Variants in VPS13D observed in about 807,000 individuals in gnomAD.
VPS13D encodes vacuolar protein sorting 13 homolog D.
VPS13D carries 187 observed loss-of-function variants against 461.9 expected under a neutral mutation model. The observed-to-expected ratio is 0.40, with a 90% CI of 0.36 to 0.46. The LOEUF (loss-of-function observed/expected upper bound fraction) is 0.46. VPS13D is among the 20% of genes least tolerant of loss of function. VPS13D has a pLI of 0.60. For missense variants in VPS13D, 4,711 were observed against 5,364.9 expected (o/e 0.88, Z 3.81); for synonymous variants, 1,951 against 1,986.3 (o/e 0.98, Z 0.47).
At chr1:12,360,018 C>T (rs576433348) in intron 50 of VPS13D, among the ~76,000 whole-genome samples, 2 of 152,274 alleles carry the variant, frequency 1.3e-5, no homozygotes, top group Non-Finnish European at 2.9e-5. Context: ...CCTTTTATAG[C>T]AGCTAGCACT....
Position 12,266,904 on chromosome 1 carries a change from C to A in VPS13D, c.1618C>A (p.Leu540Ile), listed in dbSNP as rs750999686. ...AGATGTAAAACTTCTAGCAGAGTCT[C>A]TTCCTCGAAGAAATTCCTCGTTGCT... The part of the protein sequence containing the change: ...FSDVKLLAES[L>I]PRRNSSLLSV... Residue 540 changes from leucine to isoleucine, a missense_variant, in exon 14 of 70, where the codon CTT (leucine) becomes ATT (isoleucine). Physicochemically the swap from Leu to Ile is conservative, Grantham distance 5. This residue lies in a region of VPS13D where 4,411 missense variants were observed against 4,937.8 expected (regional missense o/e 0.89). Transcript: ENST00000620676. 26 of 1,603,312 alleles carry A rather than the reference C, an allele frequency of 1.6e-5. No individual in the cohort carries two copies. In the Admixed American group the frequency reaches 4.6e-4, roughly 28 times the overall value.
intron 65 of VPS13D, among the ~76,000 whole-genome samples, chr1:12,437,670 A>G (rs375806773): frequency 8.7e-4 from 133 of 152,242 alleles, no homozygotes; most frequent in African/African-American, 3.0e-3. Flanking sequence ...TTTCCATTCA[A>G]GGCAACTAAC....
chr1:12,428,377 G>A (rs897839385), intron 65 of VPS13D, among the ~76,000 whole-genome samples: 3 of 152,190 alleles, frequency 2.0e-5, no homozygotes, highest in Non-Finnish European at 4.4e-5. Flanking sequence ...ACACACCAGT[G>A]GGGAAGCCCT....
Position 12,234,302 on chromosome 1 carries a change from C to T in VPS13D, c.36C>T (p.Thr12=), listed in dbSNP as rs1394314508. Residue 12 remains threonine, a synonymous_variant, in exon 2 of 70, where the codon ACC becomes ACT. Coordinates refer to ENST00000620676, the MANE Select transcript of VPS13D (RefSeq NM_015378.4). ...LEGLVAWVLN[T]YLGKYVNNLN... is the part of the protein sequence containing the mutation. ...GCCTTGTAGCCTGGGTTCTCAATAC[C>T]TATTTGGGAAAATATGTCAATAACC... 1.2e-6 allele frequency: 2 copies of T among 1,614,046 alleles called. No homozygotes were observed. Among genetic ancestry groups the T allele is most frequent in the Admixed American group, 3.3e-5 (2 of 60,006 alleles).
intron 19 of VPS13D, among the ~76,000 whole-genome samples, chr1:12,278,892 C>T (rs1381061040): frequency 6.6e-6 from 1 of 152,218 alleles, no homozygotes; most frequent in African/African-American, 2.4e-5. Context: ...ACAGTCCAAT[C>T]TGTTGGTCTT....
intron 67 of VPS13D, among the ~76,000 whole-genome samples, chr1:12,477,835 A>G (rs903227804): frequency 2.6e-5 from 4 of 152,140 alleles, no homozygotes; most frequent in African/African-American, 9.7e-5. Context: ...GCTAGTAACC[A>G]GGGTTGGCAT....
At chr1:12,267,776 A>G in intron 14 of VPS13D, 69 bp from the exon 15 acceptor site, 1 of 1,383,154 alleles carries the variant, frequency 7.2e-7, no homozygotes, top group Non-Finnish European at 1.0e-6. Flanking sequence ...GAAGGGTAAG[A>G]TGGGTTTGTT....
chr1:12,412,658 TAAATA>T (rs1339824429), intron 63 of VPS13D, among the ~76,000 whole-genome samples: 1 of 152,170 alleles, frequency 6.6e-6, no homozygotes, highest in Non-Finnish European at 1.5e-5. Context: ...AGGTGGAGCA[TAAATA>T]AAATCTAGGT....
intron 67 of VPS13D, among the ~76,000 whole-genome samples, chr1:12,479,348 T>A (rs1363097062): frequency 6.6e-6 from 1 of 152,192 alleles, no homozygotes; most frequent in African/African-American, 2.4e-5. Flanking sequence ...TTGTCCATGG[T>A]GTCCAGGAAG....
intron 60 of VPS13D, among the ~76,000 whole-genome samples, chr1:12,398,426 T>C (rs938577431): frequency 6.6e-6 from 1 of 152,086 alleles, no homozygotes; most frequent in South Asian, 2.1e-4. Context: ...TCATTAAGCT[T>C]CTGTCTACTT....
chr1:12,365,184 G>T (rs901306780), intron 52 of VPS13D, among the ~76,000 whole-genome samples: 73 of 152,248 alleles, frequency 4.8e-4, no homozygotes, highest in Non-Finnish European at 8.1e-4. Flanking sequence ...TTGGAATAAG[G>T]AAATGTGAGA....
In VPS13D at chr1:12,508,963, A is replaced by G. The variant is rs987464387; in HGVS notation, c.13106A>G (p.Tyr4369Cys). Residue 4369 changes from tyrosine (Y) to cysteine (C), a missense_variant, in exon 70 of 70, where the codon TAT becomes TGT. Around this residue, in one of 3 missense-constraint regions of VPS13D, gnomAD observed 194 missense variants for 220.9 expected, o/e 0.88. Coordinates refer to ENST00000620676, the MANE Select transcript of VPS13D (RefSeq NM_015378.4). Reference protein sequence around the residue: ...QEINYAKSLYYEQQLMLRLSE... With the variant: ...QEINYAKSLYCEQQLMLRLSE... ...ATAAACTACGCAAAGAGCCTCTACTATGAACAGCAGCTTATGTTAAGACTC... is the reference window on the plus strand; with the variant it reads ...ATAAACTACGCAAAGAGCCTCTACTGTGAACAGCAGCTTATGTTAAGACTC... 3.3e-5 allele frequency: 54 copies of G among 1,614,184 alleles called. No individual in the cohort carries two copies. The highest frequency in any genetic ancestry group is 4.2e-5 in the Non-Finnish European group (49 of 1,180,016).
intron 65 of VPS13D, chr1:12,453,951 G>C (rs1645294513): frequency 6.6e-6 from 1 of 152,144 alleles, no homozygotes; most frequent in Admixed American, 6.5e-5. Context: ...TTTATCTGCT[G>C]GAAAGAGAGG....
intron 25 of VPS13D, among the ~76,000 whole-genome samples, chr1:12,301,807 C>T (rs899694430): frequency 1.3e-5 from 2 of 152,180 alleles, no homozygotes; most frequent in Non-Finnish European, 2.9e-5. Flanking sequence ...TTTTAGCCAC[C>T]AGTTATCTCG....
intron 54 of VPS13D, among the ~76,000 whole-genome samples, chr1:12,371,231 G>A (rs1021459633): frequency 3.9e-5 from 6 of 152,064 alleles, no homozygotes; most frequent in South Asian, 2.1e-4. Context: ...GTCTCCAGCC[G>A]CAGGAAACCA....
At chr1:12,420,155 G>A (rs1644844737) in intron 65 of VPS13D, among the ~76,000 whole-genome samples, 1 of 152,166 alleles carries the variant, frequency 6.6e-6, no homozygotes, top group African/African-American at 2.4e-5. Flanking sequence ...ACTTCTTATA[G>A]GAAATGGTAG....
chr1:12,249,580 CA>C (rs1349232891), intron 6 of VPS13D: 1 of 334,056 alleles, frequency 3.0e-6, no homozygotes, highest in Admixed American at 4.9e-5. Context: ...AACTGAGGGG[CA>C]GAAAGGATTT....
At chr1:12,369,363 C>G in intron 53 of VPS13D, 104 bp from the exon 54 acceptor site, 2 of 969,880 alleles carry the variant, frequency 2.1e-6, no homozygotes, top group Non-Finnish European at 3.2e-6. Flanking sequence ...GTGTAAGATT[C>G]ATTTAGGAAG....
chr1:12,399,059 G>A (rs1035936988), intron 60 of VPS13D, among the ~76,000 whole-genome samples: 8 of 152,228 alleles, frequency 5.3e-5, no homozygotes, highest in Non-Finnish European at 1.0e-4. Flanking sequence ...TTACAGGTAT[G>A]ATGTGACTTG....
Sources: allele counts gnomAD v4.1 joint callset (sites outside exome capture counted in the v4.1 genomes callset), GRCh38; gene constraint gnomAD v4.1.1; regional missense constraint gnomAD v4.1.1; transcripts MANE v1.5; gene names NCBI Gene and HGNC (gene_info 2026-07-23, HGNC 2026-07-21).